Variants in RIT2 observed in about 807,000 individuals in gnomAD.
The protein encoded by RIT2 is Ras like without CAAX 2.
In RIT2, 24 loss-of-function variants were observed where a neutral mutation model predicts 23.7. That is an observed-to-expected ratio of 1.01 (90% CI 0.73 to 1.43). The LOEUF is 1.43. RIT2 is among the 40% of genes most tolerant of loss of function. The pLI is 0.00. For missense variants in RIT2, 236 were observed against 266.9 expected (o/e 0.88, Z 0.81); for synonymous variants, 107 against 91.1 (o/e 1.17, Z -0.99).
chr18:43,023,917 G>A (rs1911652411), intron 2 of RIT2, among the ~76,000 whole-genome samples: 1 of 152,028 alleles, frequency 6.6e-6, no homozygotes. Context: ...TTAGCTCTTA[G>A]AGTATTTTAA....
At chr18:43,009,838 C>T (rs1426117306) in intron 2 of RIT2, among the ~76,000 whole-genome samples, 7 of 151,656 alleles carry the variant, frequency 4.6e-5, no homozygotes, top group African/African-American at 1.5e-4. Context: ...AAGCTTCTTT[C>T]ACCTCTAATT....
intron 4 of RIT2, among the ~76,000 whole-genome samples, chr18:42,843,377 T>C (rs531966618): frequency 2.0e-5 from 3 of 152,212 alleles, no homozygotes; most frequent in African/African-American, 7.2e-5. Flanking sequence ...GTTTCCCTAC[T>C]AAGATATCAA....
chr18:42,950,993 A>G (rs186426338), intron 3 of RIT2, among the ~76,000 whole-genome samples: 10 of 152,152 alleles, frequency 6.6e-5, no homozygotes, highest in Admixed American at 3.9e-4. Context: ...TTCAGCCACT[A>G]TGGAAAGCAG....
Position 43,082,868 on chromosome 18 carries a change from G to A in RIT2, c.103+32549C>T, listed in dbSNP as rs181157983. Among the ~76,000 whole-genome samples the A allele has an allele frequency of 4.9e-4, 75 of 152,256 alleles. No individual in the cohort carries two copies. In the East Asian group the frequency reaches 0.014, roughly 29 times the overall value. ...ACCACTCCTATTCAACATAGTATTG[G>A]AAGTTCTGGCCAGGGCAATCAGGCA... On this transcript the variant is annotated intron_variant, in intron 1 of 4. Coordinates refer to ENST00000326695, the MANE Select transcript of RIT2 (RefSeq NM_002930.4).
intron 1 of RIT2, among the ~76,000 whole-genome samples, chr18:43,068,711 A>T (rs141857931): frequency 2.0e-5 from 3 of 152,170 alleles, no homozygotes; most frequent in Admixed American, 6.6e-5. Flanking sequence ...TTTGGAATTT[A>T]AATGATATTA....
intron 1 of RIT2, among the ~76,000 whole-genome samples, chr18:43,078,716 T>C (rs985915487): frequency 6.6e-6 from 1 of 152,166 alleles, no homozygotes; most frequent in Admixed American, 6.5e-5. Context: ...TCCCGGGACG[T>C]TTTTGGCCTC....
Position 43,028,478 on chromosome 18 carries a change from G to A in RIT2, c.160+5333C>T, listed in dbSNP as rs144017960. Among the ~76,000 whole-genome samples, 340 of 152,138 alleles carry A rather than the reference G, an allele frequency of 2.2e-3. 2 individuals carry two copies. Among genetic ancestry groups the A allele is most frequent in the Non-Finnish European group, 3.5e-4 (24 of 67,954 alleles). ...GATCCGTTTGGAAAGAAAATAAGGA[G>A]CCAGGATGAAGGCAGAATTCAATAT... On this transcript the variant is annotated intron_variant, in intron 2 of 4. Coordinates refer to ENST00000326695, the MANE Select transcript of RIT2 (RefSeq NM_002930.4).
intron 4 of RIT2, among the ~76,000 whole-genome samples, chr18:42,907,716 C>T (rs1908659253): frequency 6.6e-6 from 1 of 151,444 alleles, no homozygotes; most frequent in African/African-American, 2.4e-5. Flanking sequence ...TATGGTGGCT[C>T]ATGCCTGAAA....
In RIT2 at chr18:43,105,128, GTGTT is replaced by G. The variant is rs112159638; in HGVS notation, c.103+10285_103+10288del. Among the ~76,000 whole-genome samples, 166 of 150,234 alleles carry G rather than the reference GTGTT, an allele frequency of 1.1e-3. 1 individual carries two copies. The highest frequency in any genetic ancestry group is 3.5e-3 in the African/African-American group (141 of 40,394). ...TGTGTGTGTGTGTGTGTGTGTGTGT[GTGTT>G]TGTGTGTGTGTGTGTGTGTTTGTGT... On this transcript the variant is annotated intron_variant, in intron 1 of 4. Transcript: ENST00000326695.
chr18:42,797,449 C>CA (rs1252761573), intron 4 of RIT2, among the ~76,000 whole-genome samples: 4 of 151,642 alleles, frequency 2.6e-5, no homozygotes, highest in South Asian at 2.1e-4. Flanking sequence ...TCAAAAGACT[C>CA]AAAAAAAATC....
At chr18:43,048,269 A>G (rs1011638559) in intron 1 of RIT2, among the ~76,000 whole-genome samples, 11 of 152,222 alleles carry the variant, frequency 7.2e-5, no homozygotes, top group Non-Finnish European at 1.6e-4. Flanking sequence ...GTTAAACATG[A>G]CATTAAGTGT....
chr18:42,977,457 T>C (rs1271435715), intron 2 of RIT2, among the ~76,000 whole-genome samples: 1 of 152,032 alleles, frequency 6.6e-6, no homozygotes, highest in Non-Finnish European at 1.5e-5. Context: ...ATACTGTTGA[T>C]TGTGAGCCAC....
intron 2 of RIT2, among the ~76,000 whole-genome samples, chr18:42,985,057 T>A (rs12457417): frequency 0.64 from 97,307 of 152,014 alleles, 34,411 homozygotes; most frequent in Non-Finnish European, 0.79. Context: ...AAAACTAGAT[T>A]AAATAAATGA....
chr18:43,105,315 T>C (rs1913787067), intron 1 of RIT2, among the ~76,000 whole-genome samples: 1 of 152,104 alleles, frequency 6.6e-6, no homozygotes, highest in Admixed American at 6.6e-5. Flanking sequence ...AGCAGGTGCA[T>C]ATACAATGGC....
chr18:42,831,382 G>T (rs113692927), intron 4 of RIT2, among the ~76,000 whole-genome samples: 5 of 152,158 alleles, frequency 3.3e-5, no homozygotes, highest in South Asian at 4.1e-4. Flanking sequence ...AATTAATTTG[G>T]TTTTTTATTG....
At chr18:42,845,372 A>C (rs1461533769) in intron 4 of RIT2, among the ~76,000 whole-genome samples, 2 of 151,014 alleles carry the variant, frequency 1.3e-5, no homozygotes, top group Non-Finnish European at 1.5e-5. Flanking sequence ...TTGAGGAAAA[A>C]ATATATAGAT....
At position 42,881,263 on chromosome 18, in the gene RIT2, T is replaced by G. The variant is rs528512068; in HGVS notation, c.426+42309A>C. On this transcript the variant is annotated intron_variant, in intron 4 of 4. Coordinates refer to ENST00000326695, the MANE Select transcript of RIT2 (RefSeq NM_002930.4). ...ATCTTGTTGTCACTTGTTTTCCATA[T>G]CCAATTGGTCAATAATTCACATATA... Among the ~76,000 whole-genome samples the G allele has an allele frequency of 1.4e-4, 21 of 152,320 alleles. No individual in the cohort carries two copies. The East Asian group carries it at 3.5e-3, about 25-fold the overall frequency.
chr18:42,947,656 C>T (rs1909758068), intron 3 of RIT2, among the ~76,000 whole-genome samples: 2 of 152,004 alleles, frequency 1.3e-5, no homozygotes, highest in South Asian at 4.1e-4. Flanking sequence ...CATGAATCAG[C>T]AACACTGCTA....
chr18:42,880,083 G>C (rs1393348712), intron 4 of RIT2, among the ~76,000 whole-genome samples: 1 of 152,104 alleles, frequency 6.6e-6, no homozygotes, highest in African/African-American at 2.4e-5. Flanking sequence ...TGGTGTCCCT[G>C]CTACAGAGAC....
Sources: gnomAD v4.1 joint callset for allele counts (sites outside exome capture counted in the v4.1 genomes callset) on GRCh38, gnomAD v4.1.1 for gene constraint, MANE v1.5 for transcripts, NCBI Gene and HGNC (gene_info 2026-07-23, HGNC 2026-07-21) for gene names.